Variants in EMCN observed in about 807,000 individuals in gnomAD.
The protein encoded by EMCN is endomucin, also known as MUC-14.
In EMCN, 37 loss-of-function variants were observed where a neutral mutation model predicts 38.4. The ratio of observed to expected loss-of-function variants is 0.96; its 90% confidence interval spans 0.74 to 1.27. The LOEUF is 1.27. EMCN is among the 50% of genes most tolerant of loss of function. The pLI is 0.00. For missense variants in EMCN, 318 were observed against 302.8 expected (o/e 1.05, Z -0.37); for synonymous variants, 95 against 100.8 (o/e 0.94, Z 0.35).
At chr4:100,457,183 A>G (rs912596028) in intron 4 of EMCN, among the ~76,000 whole-genome samples, 2 of 116,384 alleles carry the variant, frequency 1.7e-5, no homozygotes, top group Admixed American at 1.9e-4. Flanking sequence ...AGCAACATAT[A>G]GTTTGGTTGT....
At chr4:100,506,114 T>G (rs1391671767) in intron 1 of EMCN, among the ~76,000 whole-genome samples, 1 of 152,216 alleles carries the variant, frequency 6.6e-6, no homozygotes, top group East Asian at 1.9e-4. Flanking sequence ...TTTCTAAGTT[T>G]TATGCTTTCC....
chr4:100,453,296 A>C (rs1420295208), intron 4 of EMCN, among the ~76,000 whole-genome samples: 1 of 152,106 alleles, frequency 6.6e-6, no homozygotes, highest in Non-Finnish European at 1.5e-5. Flanking sequence ...AATATCCAGA[A>C]TCTACAATGA....
intron 3 of EMCN, among the ~76,000 whole-genome samples, chr4:100,468,461 C>G (rs1257671177): frequency 6.6e-6 from 1 of 152,076 alleles, no homozygotes; most frequent in African/African-American, 2.4e-5. Context: ...AGATTGGCAG[C>G]TTTATTCCTT....
intron 1 of EMCN, among the ~76,000 whole-genome samples, chr4:100,490,363 A>G (rs1729046801): frequency 6.6e-6 from 1 of 152,160 alleles, no homozygotes; most frequent in South Asian, 2.1e-4. Context: ...AGCTTAACAT[A>G]TTAGTATAGA....
intron 1 of EMCN, among the ~76,000 whole-genome samples, chr4:100,514,719 A>C (rs1402234145): frequency 6.6e-6 from 1 of 152,100 alleles, no homozygotes; most frequent in Admixed American, 6.6e-5. Context: ...CAATGTTTCA[A>C]TGTATCTACT....
At chr4:100,447,506 G>A in intron 5 of EMCN, 27 bp downstream of exon 5, 1 of 1,550,208 alleles carries the variant, frequency 6.5e-7, no homozygotes, top group Non-Finnish European at 8.9e-7. Context: ...AAAATACTAA[G>A]AGAGAGACAG....
intron 5 of EMCN, among the ~76,000 whole-genome samples, chr4:100,428,037 A>G (rs977077728): frequency 2.0e-5 from 3 of 152,122 alleles, no homozygotes; most frequent in Non-Finnish European, 2.9e-5. Flanking sequence ...CAAAGCCACC[A>G]TCTTCTCTCT....
At chr4:100,497,186 G>T (rs1729229440) in intron 1 of EMCN, among the ~76,000 whole-genome samples, 1 of 147,828 alleles carries the variant, frequency 6.8e-6, no homozygotes, top group Admixed American at 6.8e-5. Flanking sequence ...GGAAGTATAA[G>T]ACCTACAATA....
chr4:100,439,699 T>C (rs983201080), intron 5 of EMCN, among the ~76,000 whole-genome samples: 6 of 151,892 alleles, frequency 4.0e-5, no homozygotes, highest in African/African-American at 1.4e-4. Context: ...CTTTTGTTAG[T>C]TCCTTGAAGT....
At chr4:100,509,279 C>T (rs746274515) in intron 1 of EMCN, among the ~76,000 whole-genome samples, 25 of 151,922 alleles carry the variant, frequency 1.6e-4, no homozygotes, top group South Asian at 2.1e-4. Context: ...AACTTGTACC[C>T]AACAAATGAG....
intron 4 of EMCN, among the ~76,000 whole-genome samples, chr4:100,461,137 A>T (rs1728166663): frequency 6.6e-6 from 1 of 152,104 alleles, no homozygotes; most frequent in Non-Finnish European, 1.5e-5. Context: ...CTTTATTCAA[A>T]CAACTTAAAT....
At chr4:100,432,426 A>G (rs1501107) in intron 5 of EMCN, among the ~76,000 whole-genome samples, 61,908 of 152,010 alleles carry the variant, frequency 0.41, 13,427 homozygotes, top group East Asian at 0.77. Flanking sequence ...ATAGTTATGT[A>G]TAATATTGAC....
chr4:100,489,364 A>AT (rs1288853273), intron 1 of EMCN, among the ~76,000 whole-genome samples: 4 of 152,140 alleles, frequency 2.6e-5, no homozygotes, highest in Non-Finnish European at 5.9e-5. Context: ...TCTATTTTTA[A>AT]TTTTTTGAGG....
intron 5 of EMCN, among the ~76,000 whole-genome samples, chr4:100,428,153 C>G (rs751863742): frequency 9.2e-5 from 14 of 152,064 alleles, no homozygotes; most frequent in Admixed American, 3.9e-4. Context: ...GAGAAAAAGC[C>G]GAAGTCCATG....
chr4:100,444,402 G>A (rs1727609620), intron 5 of EMCN, among the ~76,000 whole-genome samples: 1 of 152,166 alleles, frequency 6.6e-6, no homozygotes, highest in African/African-American at 2.4e-5. Flanking sequence ...TGTCTTATCT[G>A]TGGTGCCAGG....
rs1396997391 is a variant in EMCN, at chr4:100,511,310, T to C, written c.64+6541A>G. On this transcript the variant is annotated intron_variant, in intron 1 of 11. Transcript: ENST00000296420. ...AAATTTGTGATGGAAGTAATGTGTGTAAAGTGCCTGGCACAATAAATGGTA... is the reference window on the plus strand; with the variant it reads ...AAATTTGTGATGGAAGTAATGTGTGCAAAGTGCCTGGCACAATAAATGGTA... Among the ~76,000 whole-genome samples, 2 of 152,174 alleles carry C rather than the reference T, an allele frequency of 1.3e-5. 1 individual carries two copies. Among genetic ancestry groups the C allele is most frequent in the East Asian group, 3.9e-4 (2 of 5,188 alleles).
At chr4:100,473,373 G>GTTTTTTTTTTTTTTTTTTTTTTTTTTT (rs1256284835) in intron 3 of EMCN, among the ~76,000 whole-genome samples, 4 of 66,016 alleles carry the variant, frequency 6.1e-5, no homozygotes, top group African/African-American at 9.1e-5. Flanking sequence ...GTGTTTTTTT[G>GTTTTTTTTTTTTTTTTTTTTTTTTTTT]TTTTTTTTTT....
chr4:100,461,295 G>T (rs900322737), intron 4 of EMCN, among the ~76,000 whole-genome samples: 1 of 151,956 alleles, frequency 6.6e-6, no homozygotes, highest in Non-Finnish European at 1.5e-5. Context: ...TATGAAAATT[G>T]GCACTACCAT....
intron 5 of EMCN, among the ~76,000 whole-genome samples, chr4:100,438,678 C>T (rs531586060): frequency 6.6e-6 from 1 of 152,038 alleles, no homozygotes; most frequent in African/African-American, 2.4e-5. Context: ...AGTGGAAAAG[C>T]TTTAACTTTT....
Sources: allele counts gnomAD v4.1 joint callset (sites outside exome capture counted in the v4.1 genomes callset), GRCh38; gene constraint gnomAD v4.1.1; transcripts MANE v1.5; gene names NCBI Gene and HGNC (gene_info 2026-07-23, HGNC 2026-07-21).